CNTNAP3B: variants seen among roughly 807,000 people sequenced by gnomAD.
The protein encoded by CNTNAP3B is contactin-associated protein-like 3B.
In CNTNAP3B, 25 loss-of-function variants were observed where a neutral mutation model predicts 108.9. That is an observed-to-expected ratio of 0.23 (90% CI 0.17 to 0.32). CNTNAP3B has a LOEUF of 0.32. Among genes scored for constraint, CNTNAP3B ranks in the 10% least tolerant of loss-of-function variants. The pLI, the probability that CNTNAP3B is intolerant of heterozygous loss-of-function variation, is 1.00. For synonymous variants in CNTNAP3B, 103 were observed against 473.4 expected, an observed-to-expected ratio of 0.22 and a Z score of 10.16; for missense variants, 252 against 1,210.4, an observed-to-expected ratio of 0.21 and a Z score of 11.75.
chr9:41,947,900 A>G (rs1319969603), intron 13 of CNTNAP3B, among the ~76,000 whole-genome samples: 1 of 152,186 alleles, frequency 6.6e-6, no homozygotes, highest in African/African-American at 2.4e-5. Flanking sequence ...AATTCTACAC[A>G]AATCAACTTG....
At chr9:42,076,039 T>C (rs1466790649) in intron 3 of CNTNAP3B, among the ~76,000 whole-genome samples, 6 of 114,200 alleles carry the variant, frequency 5.3e-5, no homozygotes, top group Non-Finnish European at 1.1e-4. Context: ...GGCACTGACA[T>C]ATAATCAGAA....
At chr9:42,010,344 G>C (rs1274854272) in intron 4 of CNTNAP3B, among the ~76,000 whole-genome samples, 145 of 148,674 alleles carry the variant, frequency 9.8e-4, no homozygotes, top group African/African-American at 3.2e-3. Context: ...TTTAGATTAA[G>C]TCGGTAGTAG....
At chr9:41,934,893 T>C (rs1460207358) in intron 14 of CNTNAP3B, among the ~76,000 whole-genome samples, 12 of 152,304 alleles carry the variant, frequency 7.9e-5, no homozygotes, top group Non-Finnish European at 1.3e-4. Context: ...TTTTTATTTG[T>C]GGTTACTTTT....
chr9:42,127,851 C>T lies in CNTNAP3B; in HGVS notation c.85+1159G>A, dbSNP rs1345129304. ...TGAAGAAACAACCCACCCTTGAGCC[C>T]ACAGGCAGAACAGCACTGAGCTACG... is the stretch of plus-strand genomic sequence containing the variant. On this transcript the variant is annotated intron_variant, in intron 1 of 23. Coordinates refer to ENST00000377561, the MANE Select transcript of CNTNAP3B (RefSeq NM_001201380.3). 2.2e-5 allele frequency among the ~76,000 whole-genome samples: 3 copies of T among 138,630 alleles called. 1 individual carries two copies. The East Asian group carries it at 6.6e-4, about 30-fold the overall frequency. 90.9% of individuals were successfully genotyped at this position (138,630 alleles called of 152,430 possible).
intron 3 of CNTNAP3B, among the ~76,000 whole-genome samples, chr9:42,029,016 A>G (rs1826463920): frequency 6.7e-6 from 1 of 149,730 alleles, no homozygotes; most frequent in African/African-American, 2.5e-5. Context: ...ATGAATGCTT[A>G]CTATGCATGA....
chr9:42,112,892 C>T lies in CNTNAP3B; in HGVS notation c.86-8153G>A, dbSNP rs532738625. Among the ~76,000 whole-genome samples, 29 of 83,840 alleles carry T rather than the reference C, an allele frequency of 3.5e-4. 4 individuals carry two copies. Among genetic ancestry groups the T allele is most frequent in the African/African-American group, 1.3e-3 (27 of 20,470 alleles). 55.0% of individuals were successfully genotyped at this position (83,840 alleles called of 152,430 possible). On this transcript the variant is annotated intron_variant, in intron 1 of 23. Transcript: ENST00000377561. ...AGTTTTTTTTTTTTTTTTTTTGAGA[C>T]GGAGCCTCGCCCTGTCGCCCAGGCT...
At chr9:41,935,021 G>C (rs1282277736) in intron 14 of CNTNAP3B, among the ~76,000 whole-genome samples, 1 of 151,988 alleles carries the variant, frequency 6.6e-6, no homozygotes, top group Non-Finnish European at 1.5e-5. Flanking sequence ...GCAGACAGCT[G>C]AATTATATGT....
chr9:41,957,912 C>T (rs185479151), intron 12 of CNTNAP3B, among the ~76,000 whole-genome samples: 949 of 152,076 alleles, frequency 6.2e-3, no homozygotes, highest in Non-Finnish European at 0.01. Flanking sequence ...AGGCACCCGC[C>T]ACTACGCCCG....
In CNTNAP3B at chr9:41,995,802, G is replaced by A. The variant is rs1258619423; in HGVS notation, c.1071+403C>T. On this transcript the variant is annotated intron_variant, in intron 7 of 23. Transcript: ENST00000377561. Reference sequence around the variant, plus strand: ...TGTAATCCCAGCACTTTGGAAGGCCGAGGCAGGCAGATCACCTGAGGTCAG... The same window carrying A: ...TGTAATCCCAGCACTTTGGAAGGCCAAGGCAGGCAGATCACCTGAGGTCAG... 2.9e-5 allele frequency among the ~76,000 whole-genome samples: 4 copies of A among 136,148 alleles called. 1 individual carries two copies. Among genetic ancestry groups the A allele is most frequent in the Admixed American group, 2.2e-4 (3 of 13,708 alleles). The allele number at this position is 136,148 out of a possible 152,430, so 89.3% of individuals were successfully genotyped here.
chr9:41,987,286 C>T (rs1825725238), intron 8 of CNTNAP3B, among the ~76,000 whole-genome samples: 1 of 82,444 alleles, frequency 1.2e-5, no homozygotes, highest in Admixed American at 1.5e-4. Context: ...CATGGTGAAA[C>T]CACATTTCTA....
chr9:42,097,255 T>G lies in CNTNAP3B; in HGVS notation c.196+7374A>C, dbSNP rs192626388. 1.4e-5 allele frequency among the ~76,000 whole-genome samples: 2 copies of G among 140,120 alleles called. 1 individual carries two copies. The highest frequency in any genetic ancestry group is 5.6e-5 in the African/African-American group (2 of 35,494). The allele number at this position is 140,120 out of a possible 152,430, so 91.9% of individuals were successfully genotyped here. Reference sequence around the variant, plus strand: ...ACATCATGTTCCCATCTGGCAGGAGTGCACAGCAGGCATGGAAAATGGGGA... The same window carrying G: ...ACATCATGTTCCCATCTGGCAGGAGGGCACAGCAGGCATGGAAAATGGGGA... On this transcript the variant is annotated intron_variant, in intron 2 of 23. Transcript: ENST00000377561.
At chr9:41,915,823 C>T (rs1353045907) in intron 18 of CNTNAP3B, among the ~76,000 whole-genome samples, 9 of 150,776 alleles carry the variant, frequency 6.0e-5, no homozygotes, top group Non-Finnish European at 1.0e-4. Context: ...TCCTGAAATC[C>T]TGGGATAAAT....
intron 18 of CNTNAP3B, among the ~76,000 whole-genome samples, chr9:41,918,350 G>A (rs1299713516): frequency 6.7e-6 from 1 of 148,212 alleles, no homozygotes; most frequent in Non-Finnish European, 1.5e-5. Flanking sequence ...ACAGTATTCT[G>A]AGAGAGAAAA....
rs1422454080 is a variant in CNTNAP3B, at chr9:42,047,741, C to G, written c.390+29128G>C. Among the ~76,000 whole-genome samples the G allele has an allele frequency of 4.9e-4, 47 of 96,572 alleles. 3 individuals are homozygous for G. The highest frequency in any genetic ancestry group is 2.1e-4 in the Non-Finnish European group (10 of 48,638). The allele number at this position is 96,572 out of a possible 152,430, so 63.4% of individuals were successfully genotyped here. A position where few individuals can be genotyped will look rare whatever the true frequency, so the allele number is the denominator to read the frequency against. On this transcript the variant is annotated intron_variant, in intron 3 of 23. Transcript: ENST00000377561. ...ACTGCACCAGCACCCTGCCCCTCGC[C>G]CCTCTCACCTGCATCTCCTTTTCAT...
Position 42,094,954 on chromosome 9 carries a change from C to A in CNTNAP3B, c.196+9675G>T, listed in dbSNP as rs1419803272. Among the ~76,000 whole-genome samples, 21 of 136,082 alleles carry A rather than the reference C, an allele frequency of 1.5e-4. 4 individuals carry two copies. The highest frequency in any genetic ancestry group is 5.9e-5 in the African/African-American group (2 of 34,138). The allele number at this position is 136,082 out of a possible 152,430, so 89.3% of individuals were successfully genotyped here. ...GTGCAATGTGATGTTTGGATACATG[C>A]ATACACTGTAAAATGATCGAATCAG... On this transcript the variant is annotated intron_variant, in intron 2 of 23. Transcript: ENST00000377561.
intron 13 of CNTNAP3B, among the ~76,000 whole-genome samples, chr9:41,941,388 G>A (rs1414739534): frequency 6.8e-6 from 1 of 146,666 alleles, no homozygotes; most frequent in African/African-American, 2.5e-5. Context: ...AAATTTGAAA[G>A]AAAGCAGAAT....
At position 42,111,613 on chromosome 9, in the gene CNTNAP3B, A is replaced by G. The variant is rs1361090839; in HGVS notation, c.86-6874T>C. ...ATTGCCTAAATTCAGCCTGGCTTCA[A>G]TCAAGACACTTTGGTTCCCTTTATT... On this transcript the variant is annotated intron_variant, in intron 1 of 23. Coordinates refer to ENST00000377561, the MANE Select transcript of CNTNAP3B (RefSeq NM_001201380.3). Among the ~76,000 whole-genome samples, 3 of 138,696 alleles carry G rather than the reference A, an allele frequency of 2.2e-5. 1 individual carries two copies. The highest frequency in any genetic ancestry group is 4.6e-5 in the Non-Finnish European group (3 of 64,876). The allele number at this position is 138,696 out of a possible 152,430, so 91.0% of individuals were successfully genotyped here. A position where few individuals can be genotyped will look rare whatever the true frequency, so the allele number is the denominator to read the frequency against.
chr9:42,057,495 G>A lies in CNTNAP3B; in HGVS notation c.390+19374C>T, dbSNP rs1008060001. Among the ~76,000 whole-genome samples, 22 of 125,778 alleles carry A rather than the reference G, an allele frequency of 1.7e-4. 4 individuals carry two copies. Among genetic ancestry groups the A allele is most frequent in the Admixed American group, 6.4e-4 (8 of 12,464 alleles). 82.5% of individuals were successfully genotyped at this position (125,778 alleles called of 152,430 possible). A position where few individuals can be genotyped will look rare whatever the true frequency, so the allele number is the denominator to read the frequency against. On this transcript the variant is annotated intron_variant, in intron 3 of 23. Coordinates refer to ENST00000377561, the MANE Select transcript of CNTNAP3B (RefSeq NM_001201380.3). ...GCTGGAATTACAGGCCTGAGCCACC[G>A]CATCCAGCCTCTAGGTATTTTTCTA...
Position 41,953,131 on chromosome 9 carries a change from G to T in CNTNAP3B, c.2080+52C>A, listed in dbSNP as rs1437812114. The T allele has an allele frequency of 1.4e-5, 21 of 1,462,414 alleles. No individual in the cohort carries two copies. The East Asian group carries it at 5.3e-4, about 37-fold the overall frequency. The allele number at this position is 1,462,414 out of a possible 1,614,324, so 90.6% of individuals were successfully genotyped here. A position where few individuals can be genotyped will look rare whatever the true frequency, so the allele number is the denominator to read the frequency against. The stretch of plus-strand genomic sequence containing the variant: ...CCCTCAAAGGCATCTCGCAGCCCGA[G>T]GGCCGCGCCCCGGCCTCGTGAGCCC... On this transcript the variant is annotated intron_variant, in intron 13 of 23. Transcript: ENST00000377561.
Sources: allele counts gnomAD v4.1 joint callset (sites outside exome capture counted in the v4.1 genomes callset), GRCh38; gene constraint gnomAD v4.1.1; transcripts MANE v1.5; gene names NCBI Gene and HGNC (gene_info 2026-07-23, HGNC 2026-07-21).